The following KCNN3 variants were observed in gnomAD, a reference collection of about 807,000 sequenced individuals.
KCNN3 encodes the protein potassium calcium-activated channel subfamily N member 3.
A neutral mutation model predicts 62.9 loss-of-function variants in KCNN3; 16 were observed. That is an observed-to-expected ratio of 0.25 (90% CI 0.17 to 0.39). KCNN3 has a LOEUF of 0.39. Ranked by LOEUF, KCNN3 falls within the 10% of genes least tolerant of loss-of-function variation. KCNN3 has a pLI of 1.00. For synonymous variants in KCNN3, 370 were observed against 389.2 expected, an observed-to-expected ratio of 0.95 and a Z score of 0.58; for missense variants, 599 against 949.4, an observed-to-expected ratio of 0.63 and a Z score of 4.85.
chr1:154,768,770 A>T (rs1233281277), intron 3 of KCNN3, among the ~76,000 whole-genome samples: 1 of 152,154 alleles, frequency 6.6e-6, no homozygotes, highest in South Asian at 2.1e-4. Context: ...CATCCACTAC[A>T]TGGATGTGTT....
At chr1:154,720,670 G>A (rs1229523080) in intron 5 of KCNN3, among the ~76,000 whole-genome samples, 1 of 152,186 alleles carries the variant, frequency 6.6e-6, no homozygotes, top group African/African-American at 2.4e-5. Flanking sequence ...TAGTAGGTGG[G>A]GAAACTACTT....
At chr1:154,800,888 T>TAAGA (rs386368367) in intron 2 of KCNN3, among the ~76,000 whole-genome samples, 2 of 151,278 alleles carry the variant, frequency 1.3e-5, no homozygotes, top group Non-Finnish European at 3.0e-5. Context: ...CTACAAAAAA[T>TAAGA]ACAAAGATTA....
At chr1:154,815,368 T>C (rs1455940766) in intron 2 of KCNN3, among the ~76,000 whole-genome samples, 1 of 152,164 alleles carries the variant, frequency 6.6e-6, no homozygotes, top group Admixed American at 6.5e-5. Context: ...AGCTTTGTCC[T>C]GAGCATACAA....
chr1:154,865,021 C>G (rs1412417275), intron 1 of KCNN3, among the ~76,000 whole-genome samples: 1 of 152,068 alleles, frequency 6.6e-6, no homozygotes, highest in African/African-American at 2.4e-5. Flanking sequence ...GCCAGCCACA[C>G]AGAGGTACCA....
chr1:154,869,731 C>CTGCTGCTGCTGCTGA lies in KCNN3; in HGVS notation c.233_234insTCAGCAGCAGCAGCA (p.Gln77_Gln78insHisGlnGlnGlnGln), dbSNP rs1558015649. 4.6e-6 allele frequency: 7 copies of CTGCTGCTGCTGCTGA among 1,511,050 alleles called. No homozygotes were observed. The highest frequency in any genetic ancestry group is 6.2e-6 in the Non-Finnish European group (7 of 1,122,804). The allele number at this position is 1,511,050 out of a possible 1,614,324, so 93.6% of individuals were successfully genotyped here. ...GAGACAGGGGATGCGGTGGCTGCTG[C>CTGCTGCTGCTGCTGA]TGCTGCTGCTGCTGCTGCTGCTGCT... On this transcript the variant is annotated inframe_insertion, in exon 1 of 8. Transcript: ENST00000271915. The surrounding 1 kb of genome is among the most constrained non-coding windows in gnomAD (Gnocchi z 6.1).
rs549752326 is a variant in KCNN3 at position 154,701,821 on chromosome 1, C to T, written c.*6155G>A. Reference sequence around the variant, plus strand: ...TAGTTTGGAAAGCCGACCCCGGTTTCACGTACATGGAGAAACTCAGAATGC... The same window carrying T: ...TAGTTTGGAAAGCCGACCCCGGTTTTACGTACATGGAGAAACTCAGAATGC... On this transcript the variant is annotated 3_prime_UTR_variant, in exon 8 of 8. Coordinates refer to ENST00000271915, the MANE Select transcript of KCNN3 (RefSeq NM_002249.6). The T allele has an allele frequency of 6.6e-6, 1 of 152,318 alleles. No homozygotes were observed. Among genetic ancestry groups the T allele is most frequent in the African/African-American group, 2.4e-5 (1 of 41,550 alleles). The allele number at this position is 152,318 out of a possible 1,614,324, so 9.4% of individuals were successfully genotyped here.
chr1:154,869,089 C>T lies in KCNN3; in HGVS notation c.876G>A (p.Met292Ile). 1.2e-6 allele frequency: 2 copies of T among 1,614,206 alleles called. No homozygotes were observed. The highest frequency in any genetic ancestry group is 1.7e-6 in the Non-Finnish European group (2 of 1,180,034). ...RLSDYALIFGMFGIVVMVIET... is the reference protein window; with the variant it reads ...RLSDYALIFGIFGIVVMVIET... ...CTATCACCATAACAACAATTCCAAA[C>T]ATCCCAAAAATCAGAGCATAGTCAC... The change falls in exon 1 of 8, where the codon ATG becomes ATA. Residue 292 changes from methionine (M) to isoleucine (I), a missense_variant. By Grantham distance (10) the Met-to-Ile change is conservative. Coordinates refer to ENST00000271915, the MANE Select transcript of KCNN3 (RefSeq NM_002249.6). The surrounding 1 kb of genome is among the most constrained non-coding windows in gnomAD (Gnocchi z 6.1).
At chr1:154,779,645 G>C (rs1270555904) in intron 2 of KCNN3, among the ~76,000 whole-genome samples, 1 of 152,218 alleles carries the variant, frequency 6.6e-6, no homozygotes, top group Non-Finnish European at 1.5e-5. Flanking sequence ...CAGGGAACAA[G>C]GGCACAACAG....
chr1:154,844,869 G>A (rs1400827728), intron 1 of KCNN3, among the ~76,000 whole-genome samples: 1 of 152,128 alleles, frequency 6.6e-6, no homozygotes, highest in Non-Finnish European at 1.5e-5. Context: ...AGCTGGGCAT[G>A]GTGGCGGGCA....
rs1699916519 is a variant in KCNN3, at chr1:154,703,983, T to G, written c.*3993A>C. 2.0e-5 allele frequency: 3 copies of G among 152,250 alleles called. No individual in the cohort carries two copies. Among genetic ancestry groups the G allele is most frequent in the Admixed American group, 1.3e-4 (2 of 15,284 alleles). 9.4% of individuals were successfully genotyped at this position (152,250 alleles called of 1,614,324 possible). A position where few individuals can be genotyped will look rare whatever the true frequency, so the allele number is the denominator to read the frequency against. ...AGATGTGGATCCAGTCTTAAGATTT[T>G]TATTTATTCTGATTTTGTATGACTA... On this transcript the variant is annotated 3_prime_UTR_variant, in exon 8 of 8. Transcript: ENST00000271915.
chr1:154,825,347 C>T (rs113074799), intron 1 of KCNN3, among the ~76,000 whole-genome samples: 7 of 150,916 alleles, frequency 4.6e-5, no homozygotes, highest in African/African-American at 1.5e-4. Context: ...GGAATTATAT[C>T]CCATTTGATG....
In KCNN3 at chr1:154,772,430, C is replaced by T; in HGVS notation, c.1030-37G>A. On this transcript the variant is annotated intron_variant, in intron 2 of 7. Transcript: ENST00000271915. The surrounding 1 kb of genome is among the most constrained non-coding windows in gnomAD (Gnocchi z 5.6). ...AGAAAGTCCATTAGTGTGGCCAGGA[C>T]CAGGAAGCCCACAGCAGGGTCCAGG... The T allele has an allele frequency of 6.2e-6, 10 of 1,607,040 alleles. No individual in the cohort carries two copies. The highest frequency in any genetic ancestry group is 8.5e-6 in the Non-Finnish European group (10 of 1,175,528).
At chr1:154,740,446 C>A (rs1700802833) in intron 3 of KCNN3, among the ~76,000 whole-genome samples, 1 of 152,206 alleles carries the variant, frequency 6.6e-6, no homozygotes, top group Non-Finnish European at 1.5e-5. Context: ...CCTCACCCAG[C>A]CCAAACATTC....
At chr1:154,839,697 G>C (rs1010551348) in intron 1 of KCNN3, among the ~76,000 whole-genome samples, 1 of 152,186 alleles carries the variant, frequency 6.6e-6, no homozygotes, top group East Asian at 1.9e-4. Context: ...GGGCAGACTC[G>C]GCCACAGAGC....
chr1:154,772,941 A>G lies in KCNN3; in HGVS notation c.1030-548T>C, dbSNP rs57482361. The stretch of plus-strand genomic sequence containing the variant: ...AGGTTGAGTTGATCACCAATGGCCA[A>G]TGATGTCATCAATTATGTCGGTGTA... On this transcript the variant is annotated intron_variant, in intron 2 of 7. Coordinates refer to ENST00000271915, the MANE Select transcript of KCNN3 (RefSeq NM_002249.6). The surrounding 1 kb of genome is among the most constrained non-coding windows in gnomAD (Gnocchi z 5.6). 0.12 allele frequency among the ~76,000 whole-genome samples: 17,830 copies of G among 152,170 alleles called. 1,269 individuals carry two copies. The highest frequency in any genetic ancestry group is 0.19 in the African/African-American group (8,063 of 41,476).
chr1:154,818,130 A>G (rs1021012806), intron 2 of KCNN3, among the ~76,000 whole-genome samples: 3 of 152,330 alleles, frequency 2.0e-5, no homozygotes, highest in African/African-American at 7.2e-5. Flanking sequence ...TCTCTCCCGG[A>G]CACACTGGCC....
chr1:154,854,294 T>C (rs952189532), intron 1 of KCNN3, among the ~76,000 whole-genome samples: 3 of 152,114 alleles, frequency 2.0e-5, no homozygotes, highest in Non-Finnish European at 4.4e-5. Flanking sequence ...ACCACTCTCC[T>C]CTCAGAAGCC....
chr1:154,848,101 C>G (rs185342635), intron 1 of KCNN3, among the ~76,000 whole-genome samples: 31 of 152,310 alleles, frequency 2.0e-4, no homozygotes, highest in South Asian at 4.2e-4. Flanking sequence ...GGCCTCCCCC[C>G]CTCCCCAGCC....
chr1:154,702,486 T>C lies in KCNN3; in HGVS notation c.*5490A>G, dbSNP rs184329911. 1.3e-5 allele frequency: 2 copies of C among 151,236 alleles called. No individual in the cohort carries two copies. Among genetic ancestry groups the C allele is most frequent in the African/African-American group, 2.4e-5 (1 of 41,198 alleles). 9.4% of individuals were successfully genotyped at this position (151,236 alleles called of 1,614,324 possible). ...CATGAAAATGTTTCCTCCATTAACA[T>C]CCTGTCATTCTCTTGTTGTTCTCGT... On this transcript the variant is annotated 3_prime_UTR_variant, in exon 8 of 8. Coordinates refer to ENST00000271915, the MANE Select transcript of KCNN3 (RefSeq NM_002249.6).
Sources: gnomAD v4.1 joint callset for allele counts (sites outside exome capture counted in the v4.1 genomes callset) on GRCh38, gnomAD v4.1.1 for gene constraint, Gnocchi (gnomAD v3.1) non-coding constraint, MANE v1.5 for transcripts, NCBI Gene and HGNC (gene_info 2026-07-23, HGNC 2026-07-21) for gene names.